HPSE2: variants seen among roughly 807,000 people sequenced by gnomAD.
HPSE2 encodes heparanase 2 (inactive), also known as inactive heparanase-2.
Under a neutral mutation model 60.5 loss-of-function variants are expected in HPSE2, and 38 were observed. The observed-to-expected ratio is 0.63, with a 90% CI of 0.48 to 0.82. HPSE2 has a LOEUF of 0.82. HPSE2 is among the 40% of genes least tolerant of loss of function. The pLI is 0.00. For synonymous variants in HPSE2, 295 were observed against 293.2 expected (o/e 1.01, Z -0.06); for missense variants, 713 against 740.4 (o/e 0.96, Z 0.43).
chr10:99,003,688 C>CAA, intron 3 of HPSE2, among the ~76,000 whole-genome samples: 1 of 152,116 alleles, frequency 6.6e-6, no homozygotes, highest in South Asian at 2.1e-4. Flanking sequence ...TCTCTTCTTG[C>CAA]TATTGAGTTG....
chr10:98,655,241 T>C (rs750371125), intron 6 of HPSE2, among the ~76,000 whole-genome samples: 13 of 152,044 alleles, frequency 8.6e-5, no homozygotes, highest in Non-Finnish European at 1.3e-4. Flanking sequence ...TTTTTTTTTT[T>C]ATGGAAAATG....
intron 7 of HPSE2, among the ~76,000 whole-genome samples, chr10:98,639,387 C>T (rs1338321303): frequency 2.0e-5 from 3 of 152,130 alleles, no homozygotes; most frequent in African/African-American, 7.2e-5. Context: ...AGAATAGGAG[C>T]CCTGGCTTGA....
rs1447245575 is a variant in HPSE2, at chr10:99,232,331, G to C, written c.448+17C>G. Reference sequence around the variant, plus strand: ...GCTTCCGCTCCCCAAATAAAGAATGGTAATCAAGTTTCTCACCATCCTCAT... The same window carrying C: ...GCTTCCGCTCCCCAAATAAAGAATGCTAATCAAGTTTCTCACCATCCTCAT... On this transcript the variant is annotated intron_variant, in intron 2 of 11. Transcript: ENST00000370552. 1 of 1,551,358 alleles carries C rather than the reference G, an allele frequency of 6.4e-7. No homozygotes were observed. Among genetic ancestry groups the C allele is most frequent in the Non-Finnish European group, 8.7e-7 (1 of 1,146,852 alleles).
At chr10:98,888,072 C>T (rs1590017059) in intron 3 of HPSE2, among the ~76,000 whole-genome samples, 1 of 150,866 alleles carries the variant, frequency 6.6e-6, no homozygotes, top group Admixed American at 6.6e-5. Flanking sequence ...TCGTTTGTAA[C>T]TCAAAGGATA....
chr10:98,896,099 A>G (rs1164136551), intron 3 of HPSE2, among the ~76,000 whole-genome samples: 1 of 152,032 alleles, frequency 6.6e-6, no homozygotes, highest in Admixed American at 6.6e-5. Context: ...AATTAAAAAA[A>G]AGAAAAAAAA....
chr10:99,236,292 G>A (rs1849852537), upstream of HPSE2, among the ~76,000 whole-genome samples: 3 of 152,108 alleles, frequency 2.0e-5, no homozygotes, highest in South Asian at 6.2e-4. Flanking sequence ...TCTGGGTACA[G>A]AGCAAAGGGT....
rs112770732 is a variant in HPSE2 at position 98,593,779 on chromosome 10, C to T, written c.1320+21125G>A. On this transcript the variant is annotated intron_variant, in intron 9 of 11. Coordinates refer to ENST00000370552, the MANE Select transcript of HPSE2 (RefSeq NM_021828.5). ...CTTAACAATAGATTGAAGACAATATCTCCAGTTATATTAAGGATTTAAAAA... is the reference window on the plus strand; with the variant it reads ...CTTAACAATAGATTGAAGACAATATTTCCAGTTATATTAAGGATTTAAAAA... Among the ~76,000 whole-genome samples, 655 of 152,204 alleles carry T rather than the reference C, an allele frequency of 4.3e-3. 3 individuals carry two copies. Among genetic ancestry groups the T allele is most frequent in the African/African-American group, 0.015 (631 of 41,536 alleles).
At chr10:99,291,055 C>G in the HPSE2 span, among the ~76,000 whole-genome samples, 4 of 152,118 alleles carry the variant, frequency 2.6e-5, no homozygotes, top group African/African-American at 9.7e-5. Flanking sequence ...CTAAAGTGAA[C>G]CATGAAGAAG....
intron 6 of HPSE2, among the ~76,000 whole-genome samples, chr10:98,679,809 A>G (rs961042831): frequency 1.3e-5 from 2 of 151,980 alleles, no homozygotes; most frequent in African/African-American, 4.8e-5. Flanking sequence ...CTCTTGCCTC[A>G]GTGTCCTGTG....
At chr10:99,189,421 AT>A (rs1848142556) in intron 2 of HPSE2, among the ~76,000 whole-genome samples, 2 of 152,226 alleles carry the variant, frequency 1.3e-5, no homozygotes, top group African/African-American at 4.8e-5. Flanking sequence ...AGAGTAGACA[AT>A]TAAGGAGAAA....
At chr10:99,073,060 G>A (rs1439477604) in intron 3 of HPSE2, among the ~76,000 whole-genome samples, 2 of 151,294 alleles carry the variant, frequency 1.3e-5, no homozygotes, top group Non-Finnish European at 2.9e-5. Flanking sequence ...TGTTGAAGAC[G>A]ATGTGGCAAT....
chr10:99,044,845 T>G (rs77102822), intron 3 of HPSE2, among the ~76,000 whole-genome samples: 2,525 of 152,236 alleles, frequency 0.017, 100 homozygotes, highest in East Asian at 0.15. Flanking sequence ...ACACTTACAT[T>G]GGGGCACTCA....
chr10:99,178,534 T>A (rs1847626463), intron 2 of HPSE2, among the ~76,000 whole-genome samples: 1 of 152,018 alleles, frequency 6.6e-6, no homozygotes, highest in African/African-American at 2.4e-5. Context: ...ACCGGATAAA[T>A]TCCTGGACAC....
chr10:99,190,667 T>G (rs1043009585), intron 2 of HPSE2, among the ~76,000 whole-genome samples: 4 of 152,092 alleles, frequency 2.6e-5, no homozygotes, highest in Non-Finnish European at 5.9e-5. Flanking sequence ...AATAGAAGCC[T>G]CCAGCAATTG....
At chr10:98,755,128 C>A (rs1949849241) in intron 3 of HPSE2, among the ~76,000 whole-genome samples, 1 of 152,014 alleles carries the variant, frequency 6.6e-6, no homozygotes, top group South Asian at 2.1e-4. Context: ...ATTCAGGAGA[C>A]CCATCTCACA....
intron 3 of HPSE2, among the ~76,000 whole-genome samples, chr10:98,766,080 A>G (rs1160343969): frequency 6.6e-6 from 1 of 152,180 alleles, no homozygotes; most frequent in African/African-American, 2.4e-5. Flanking sequence ...ACCAGTATCA[A>G]GAAGGGAAGA....
the HPSE2 span, among the ~76,000 whole-genome samples, chr10:99,265,757 T>G: frequency 1.3e-5 from 2 of 152,006 alleles, no homozygotes. Context: ...ACAGACCCTT[T>G]GAAGGAAGTG....
chr10:98,943,256 A>T (rs988388521), intron 3 of HPSE2, among the ~76,000 whole-genome samples: 19 of 151,508 alleles, frequency 1.3e-4, no homozygotes, highest in Non-Finnish European at 2.2e-4. Flanking sequence ...AAATTATAAT[A>T]AAAAAATAAA....
intron 11 of HPSE2, among the ~76,000 whole-genome samples, chr10:98,479,391 A>G (rs1941145833): frequency 6.6e-6 from 1 of 152,228 alleles, no homozygotes; most frequent in African/African-American, 2.4e-5. Context: ...GGCTTATAAA[A>G]GAGAGAAAGA....
Sources: gnomAD v4.1 joint callset for allele counts (sites outside exome capture counted in the v4.1 genomes callset) on GRCh38, gnomAD v4.1.1 for gene constraint, MANE v1.5 for transcripts, NCBI Gene and HGNC (gene_info 2026-07-23, HGNC 2026-07-21) for gene names.